DOCK3: variants seen among roughly 807,000 people sequenced by gnomAD.
DOCK3 encodes dedicator of cytokinesis protein 3.
Under a neutral mutation model 265.6 loss-of-function variants are expected in DOCK3, and 60 were observed. The observed-to-expected ratio is 0.23, with a 90% CI of 0.18 to 0.28. The LOEUF (loss-of-function observed/expected upper bound fraction) is 0.28. DOCK3 is among the 10% of genes least tolerant of loss of function. The pLI is 1.00. For synonymous variants in DOCK3, 881 were observed against 938.0 expected, an observed-to-expected ratio of 0.94 and a Z score of 1.11; for missense variants, 1,981 against 2,594.3, an observed-to-expected ratio of 0.76 and a Z score of 5.14.
intron 27 of DOCK3, among the ~76,000 whole-genome samples, chr3:51,280,997 G>A (rs2081081484): frequency 6.6e-6 from 1 of 152,048 alleles, no homozygotes; most frequent in Non-Finnish European, 1.5e-5. Context: ...AAATGAAGAT[G>A]ATTCTCCAGA....
At chr3:50,712,190 T>C (rs2036816809) in intron 1 of DOCK3, among the ~76,000 whole-genome samples, 1 of 152,198 alleles carries the variant, frequency 6.6e-6, no homozygotes, top group Non-Finnish European at 1.5e-5. Flanking sequence ...TTTTTTCCTC[T>C]GCTTGCCTTA....
chr3:51,319,824 C>G (rs139567567), intron 32 of DOCK3, among the ~76,000 whole-genome samples: 2 of 151,148 alleles, frequency 1.3e-5, no homozygotes, highest in Non-Finnish European at 2.9e-5. Context: ...GAGATTGCAC[C>G]ACTGCACTTC....
At chr3:51,151,235 A>T (rs1249199110) in intron 10 of DOCK3, among the ~76,000 whole-genome samples, 2 of 151,832 alleles carry the variant, frequency 1.3e-5, no homozygotes, top group East Asian at 1.9e-4. Context: ...TCCTGAATAC[A>T]CCACAATGAT....
intron 14 of DOCK3, among the ~76,000 whole-genome samples, chr3:51,221,019 G>C (rs1272888308): frequency 6.6e-6 from 1 of 152,008 alleles, no homozygotes; most frequent in Non-Finnish European, 1.5e-5. Context: ...ACTACTCTCA[G>C]AAGAAATCTG....
intron 1 of DOCK3, among the ~76,000 whole-genome samples, chr3:50,726,410 G>C (rs897887740): frequency 1.3e-5 from 2 of 152,178 alleles, no homozygotes; most frequent in African/African-American, 4.8e-5. Flanking sequence ...GGAGAATCCA[G>C]AAGTCCATGT....
chr3:50,926,852 A>G (rs528265244), intron 4 of DOCK3, among the ~76,000 whole-genome samples: 2 of 152,202 alleles, frequency 1.3e-5, no homozygotes, highest in Non-Finnish European at 2.9e-5. Flanking sequence ...TTACAGCACC[A>G]CCTTCTAACT....
intron 1 of DOCK3, chr3:50,719,537 G>T (rs1429956596): frequency 8.4e-7 from 1 of 1,195,012 alleles, no homozygotes; most frequent in Non-Finnish European, 1.2e-6. Context: ...GCCGTTTCTG[G>T]ATCTAGAGCA....
intron 2 of DOCK3, among the ~76,000 whole-genome samples, chr3:50,826,970 A>G (rs1021356363): frequency 6.6e-6 from 1 of 152,138 alleles, no homozygotes; most frequent in African/African-American, 2.4e-5. Context: ...ATTTGGGAAA[A>G]TTTTCCAGAA....
chr3:51,281,633 C>G (rs1400782904), intron 27 of DOCK3, among the ~76,000 whole-genome samples: 1 of 151,992 alleles, frequency 6.6e-6, no homozygotes, highest in Non-Finnish European at 1.5e-5. Context: ...CAGTCACTAT[C>G]TTTTGTGTTG....
chr3:50,712,369 G>T (rs980507580), intron 1 of DOCK3, among the ~76,000 whole-genome samples: 11 of 152,012 alleles, frequency 7.2e-5, no homozygotes, highest in African/African-American at 2.4e-4. Flanking sequence ...ACGGAGTCTC[G>T]CTCTGTTGCC....
intron 27 of DOCK3, among the ~76,000 whole-genome samples, chr3:51,297,353 C>T (rs1454761575): frequency 6.6e-6 from 1 of 151,938 alleles, no homozygotes; most frequent in African/African-American, 2.4e-5. Context: ...CTTCATCACA[C>T]AAAGTTAAAA....
intron 5 of DOCK3, among the ~76,000 whole-genome samples, chr3:50,973,074 GCAGTTCCAACCTTTTATTT>G (rs2077299120): frequency 1.4e-4 from 1 of 7,338 alleles, no homozygotes; most frequent in African/African-American, 5.7e-4. Flanking sequence ...TTTTTTTTTT[GCAGTTCCAACCTTTTATTT>G]TTGCAGACTT....
chr3:50,720,979 C>G (rs1162370909), intron 1 of DOCK3, among the ~76,000 whole-genome samples: 1 of 151,448 alleles, frequency 6.6e-6, no homozygotes, highest in East Asian at 1.9e-4. Flanking sequence ...TTTTCATATG[C>G]TTGTTGGCTG....
chr3:51,139,207 A>G (rs921964506), intron 9 of DOCK3, among the ~76,000 whole-genome samples: 6 of 150,362 alleles, frequency 4.0e-5, no homozygotes, highest in Non-Finnish European at 7.4e-5. Flanking sequence ...ACATTCATTC[A>G]CATTTTGGTG....
intron 2 of DOCK3, among the ~76,000 whole-genome samples, chr3:50,810,642 T>C (rs1178660487): frequency 2.0e-5 from 3 of 152,090 alleles, no homozygotes; most frequent in African/African-American, 7.2e-5. Flanking sequence ...AAAACAACTT[T>C]GTAAAAAAGT....
At chr3:51,169,669 G>A (rs1032953704) in intron 12 of DOCK3, among the ~76,000 whole-genome samples, 1 of 151,334 alleles carries the variant, frequency 6.6e-6, no homozygotes, top group Non-Finnish European at 1.5e-5. Context: ...GAAATAATCT[G>A]TACAGCCAAC....
At chr3:51,307,168 G>A (rs1200322172) in intron 27 of DOCK3, among the ~76,000 whole-genome samples, 4 of 152,102 alleles carry the variant, frequency 2.6e-5, no homozygotes, top group Non-Finnish European at 5.9e-5. Context: ...TGCTCAGGCT[G>A]TAGTACAGTG....
At chr3:50,810,911 A>G (rs558671967) in intron 2 of DOCK3, among the ~76,000 whole-genome samples, 1 of 152,300 alleles carries the variant, frequency 6.6e-6, no homozygotes, top group South Asian at 2.1e-4. Flanking sequence ...TGGTTATTAC[A>G]TTTGTCAAAG....
At chr3:50,972,623 T>C (rs1281717042) in intron 5 of DOCK3, among the ~76,000 whole-genome samples, 3 of 152,192 alleles carry the variant, frequency 2.0e-5, no homozygotes, top group Non-Finnish European at 4.4e-5. Context: ...CCTGAAGCTC[T>C]CCTCGGTTCA....
Sources: allele counts gnomAD v4.1 joint callset (sites outside exome capture counted in the v4.1 genomes callset), GRCh38; gene constraint gnomAD v4.1.1; transcripts MANE v1.5; gene names NCBI Gene and HGNC (gene_info 2026-07-23, HGNC 2026-07-21).